RGSL1: variants seen among roughly 807,000 people sequenced by gnomAD.
RGSL1 encodes the protein regulator of G protein signaling like 1.
Under a neutral mutation model 124.7 loss-of-function variants are expected in RGSL1, and 97 were observed. The observed-to-expected ratio is 0.78, with a 90% CI of 0.66 to 0.92. RGSL1 has a LOEUF of 0.92. Among genes scored for constraint, RGSL1 ranks in the 40% least tolerant of loss-of-function variants. RGSL1 has a pLI of 0.00. For synonymous variants in RGSL1, 424 were observed against 438.1 expected (o/e 0.97, Z 0.40); for missense variants, 1,233 against 1,288.4 (o/e 0.96, Z 0.66).
At chr1:182,460,574 T>C (rs1277248854) in intron 4 of RGSL1, 4 of 447,456 alleles carry the variant, frequency 8.9e-6, no homozygotes, top group Admixed American at 7.3e-5. Context: ...GTTAATGAAA[T>C]CATCTCTTAA....
Position 182,530,109 on chromosome 1 carries a change from G to T in RGSL1, c.2126-135G>T, listed in dbSNP as rs61804873. On this transcript the variant is annotated intron_variant, in intron 11 of 21. Transcript: ENST00000294854. ...TTTGGAGATTTTCAAACAAACTATG[G>T]CGGGATCAGAGTCTAGCCAGATTGA... 3.5e-3 allele frequency: 2,187 copies of T among 616,108 alleles called. 11 individuals carry two copies. Among genetic ancestry groups the T allele is most frequent in the Non-Finnish European group, 4.7e-3 (1,669 of 354,330 alleles). 38.2% of individuals were successfully genotyped at this position (616,108 alleles called of 1,614,324 possible).
At chr1:182,525,445 G>T (rs1165303474) in intron 10 of RGSL1, among the ~76,000 whole-genome samples, 1 of 152,050 alleles carries the variant, frequency 6.6e-6, no homozygotes, top group Non-Finnish European at 1.5e-5. Context: ...TAATGAGATA[G>T]AAATTATAAA....
At chr1:182,533,296 CTTT>C (rs71573276) in intron 14 of RGSL1, among the ~76,000 whole-genome samples, 1 of 107,728 alleles carries the variant, frequency 9.3e-6, no homozygotes, top group Admixed American at 9.5e-5. Flanking sequence ...TAACTTGCTT[CTTT>C]TTTTTTTTTT....
upstream of RGSL1, among the ~76,000 whole-genome samples, chr1:182,448,690 C>A (rs1267430888): frequency 6.6e-6 from 1 of 152,112 alleles, no homozygotes; most frequent in African/African-American, 2.4e-5. Flanking sequence ...TATTACCACA[C>A]ATTTGGGAGA....
intron 4 of RGSL1, among the ~76,000 whole-genome samples, chr1:182,469,350 G>T (rs1269788289): frequency 6.6e-6 from 1 of 152,082 alleles, no homozygotes; most frequent in Non-Finnish European, 1.5e-5. Flanking sequence ...ATAGGGAAAA[G>T]ACTTAATTAA....
At chr1:182,548,964 A>C (rs1414412711) in intron 17 of RGSL1, 140 bp downstream of exon 17, 1 of 1,028,492 alleles carries the variant, frequency 9.7e-7, no homozygotes, top group East Asian at 2.7e-5. Context: ...TCAAAATCCT[A>C]TTCACCTCAC....
intron 4 of RGSL1, among the ~76,000 whole-genome samples, chr1:182,461,337 A>G (rs1227329340): frequency 6.6e-6 from 1 of 151,838 alleles, no homozygotes; most frequent in Non-Finnish European, 1.5e-5. Context: ...AATAATAACA[A>G]CTAACAAAAT....
intron 5 of RGSL1, among the ~76,000 whole-genome samples, chr1:182,473,188 A>G (rs1353309057): frequency 6.6e-6 from 1 of 152,254 alleles, no homozygotes; most frequent in Admixed American, 6.5e-5. Context: ...AATTGATGAC[A>G]TTAAAATCAG....
intron 21 of RGSL1, among the ~76,000 whole-genome samples, chr1:182,558,195 A>T (rs936304980): frequency 3.3e-5 from 5 of 152,192 alleles, no homozygotes; most frequent in African/African-American, 1.2e-4. Context: ...CCTTGCTTTA[A>T]TATTTTTCTT....
At chr1:182,470,288 C>T (rs937839782) in intron 4 of RGSL1, among the ~76,000 whole-genome samples, 6 of 152,076 alleles carry the variant, frequency 3.9e-5, no homozygotes, top group African/African-American at 1.4e-4. Flanking sequence ...ACTCCTGTGT[C>T]AGTGAGAAAT....
chr1:182,507,314 A>G (rs1432632870), intron 9 of RGSL1: 8 of 152,142 alleles, frequency 5.3e-5, no homozygotes, highest in Admixed American at 5.2e-4. Context: ...TTCTAACACT[A>G]GGTCTTATTT....
chr1:182,492,951 A>T (rs1244727743), intron 8 of RGSL1, 71 bp from the exon 9 acceptor site: 8 of 1,073,080 alleles, frequency 7.5e-6, no homozygotes, highest in Non-Finnish European at 1.1e-5. Context: ...TACCTTCAAC[A>T]AAAGTATATG....
chr1:182,541,862 A>G (rs1055578194), intron 15 of RGSL1, among the ~76,000 whole-genome samples: 1 of 152,082 alleles, frequency 6.6e-6, no homozygotes, highest in African/African-American at 2.4e-5. Context: ...CCTGTTGGGC[A>G]TTTGTATATC....
intron 15 of RGSL1, among the ~76,000 whole-genome samples, chr1:182,547,676 A>T (rs889499094): frequency 6.6e-6 from 1 of 152,144 alleles, no homozygotes; most frequent in East Asian, 1.9e-4. Context: ...CCTGGGTAAC[A>T]TGGTGAAATC....
chr1:182,494,769 T>C (rs266509), intron 9 of RGSL1, among the ~76,000 whole-genome samples: 20,909 of 152,210 alleles, frequency 0.14, 1,754 homozygotes, highest in East Asian at 0.38. Context: ...CATTCTCCCC[T>C]AGCATTCTGG....
intron 9 of RGSL1, among the ~76,000 whole-genome samples, chr1:182,499,334 G>A (rs551052903): frequency 1.3e-4 from 20 of 152,274 alleles, no homozygotes; most frequent in Non-Finnish European, 2.8e-4. Flanking sequence ...CTAAGAACTT[G>A]TTTTATGATC....
At chr1:182,528,692 C>T (rs1658939362) in intron 11 of RGSL1, among the ~76,000 whole-genome samples, 3 of 152,220 alleles carry the variant, frequency 2.0e-5, no homozygotes, top group Admixed American at 2.0e-4. Flanking sequence ...ACTGATACAA[C>T]AGGTGGGCTC....
At chr1:182,522,218 T>C in intron 10 of RGSL1, 109 bp downstream of exon 10, 1 of 740,542 alleles carries the variant, frequency 1.4e-6, no homozygotes, top group Non-Finnish European at 2.3e-6. Flanking sequence ...TTCAGACCCT[T>C]TTCCATATAC....
rs541089533 is a variant in RGSL1, at chr1:182,467,196, G to A, written c.302-5200G>A. Among the ~76,000 whole-genome samples, 50 of 152,250 alleles carry A rather than the reference G, an allele frequency of 3.3e-4. No homozygotes were observed. The East Asian group carries it at 8.7e-3, about 26-fold the overall frequency. On this transcript the variant is annotated intron_variant, in intron 4 of 21. Coordinates refer to ENST00000294854, the MANE Select transcript of RGSL1 (RefSeq NM_001137669.2). ...CGTGAAAATGGCCATACTGCCCAAG[G>A]TAATTTATAGATTCAATGCCATCCC...
Sources: gnomAD v4.1 joint callset for allele counts (sites outside exome capture counted in the v4.1 genomes callset) on GRCh38, gnomAD v4.1.1 for gene constraint, MANE v1.5 for transcripts, NCBI Gene and HGNC (gene_info 2026-07-23, HGNC 2026-07-21) for gene names.